The following SUZ12 variants were observed in gnomAD, a reference collection of about 807,000 sequenced individuals.
SUZ12 encodes polycomb protein SUZ12.
SUZ12 carries 17 observed loss-of-function variants against 87.3 expected under a neutral mutation model. The ratio of observed to expected loss-of-function variants is 0.19; its 90% confidence interval spans 0.13 to 0.29. SUZ12 has a LOEUF of 0.29. SUZ12 is among the 10% of genes least tolerant of loss of function. The pLI, the probability that SUZ12 is intolerant of heterozygous loss-of-function variation, is 1.00. For missense variants in SUZ12, 526 were observed against 912.2 expected (o/e 0.58, Z 5.45); for synonymous variants, 253 against 312.4 (o/e 0.81, Z 2.01).
At chr17:31,947,802 C>T in intron 4 of SUZ12, 117 bp downstream of exon 4, 2 of 1,071,418 alleles carry the variant, frequency 1.9e-6, no homozygotes, top group South Asian at 1.8e-5. Context: ...TCTTAGAGGT[C>T]AGTTTGGTCC....
At chr17:31,988,285 G>C in intron 9 of SUZ12, 35 bp from the exon 10 acceptor site, 1 of 1,494,098 alleles carries the variant, frequency 6.7e-7, no homozygotes, top group Non-Finnish European at 8.9e-7. Flanking sequence ...TTCATTATCT[G>C]AGTCTCCAGT....
chr17:31,978,930 AC>A (rs1908914653), intron 8 of SUZ12, among the ~76,000 whole-genome samples: 1 of 151,608 alleles, frequency 6.6e-6, no homozygotes, highest in Admixed American at 6.6e-5. Flanking sequence ...ACATGGTGAA[AC>A]CCCATCTCTA....
intron 4 of SUZ12, among the ~76,000 whole-genome samples, chr17:31,958,495 A>C (rs747403081): frequency 2.0e-5 from 3 of 150,184 alleles, no homozygotes; most frequent in Non-Finnish European, 4.4e-5. Context: ...GGTTCACTTG[A>C]GGTGAAGAGT....
chr17:31,991,904 A>G (rs1005071725), intron 10 of SUZ12, among the ~76,000 whole-genome samples: 1 of 151,972 alleles, frequency 6.6e-6, no homozygotes, highest in African/African-American at 2.4e-5. Context: ...CCAGCCTGAA[A>G]TAATTTTAAT....
intron 4 of SUZ12, among the ~76,000 whole-genome samples, chr17:31,957,870 A>ACCT (rs967648294): frequency 7.4e-5 from 10 of 135,292 alleles, no homozygotes; most frequent in Non-Finnish European, 1.6e-4. Flanking sequence ...GAGCCACTGC[A>ACCT]CCTGGCCCTG....
rs1260034019 is a variant in SUZ12 at position 31,958,336 on chromosome 17, TATTAA to T, written c.456-7806_456-7802del. ...CAGGCGTGAGCCACTGCATCCGACC[TATTAA>T]ATTATTTTTAAGAGAACTATTGTAT... On this transcript the variant is annotated intron_variant, in intron 4 of 15. Coordinates refer to ENST00000322652, the MANE Select transcript of SUZ12 (RefSeq NM_015355.4). Among the ~76,000 whole-genome samples the T allele has an allele frequency of 3.9e-5, 6 of 152,358 alleles. No homozygotes were observed. The East Asian group carries it at 1.2e-3, about 29-fold the overall frequency.
At chr17:31,985,947 G>A (rs1250148015) in intron 9 of SUZ12, among the ~76,000 whole-genome samples, 1 of 150,946 alleles carries the variant, frequency 6.6e-6, no homozygotes, top group Non-Finnish European at 1.5e-5. Flanking sequence ...AGGCATGAGC[G>A]ACCGTGCCCG....
chr17:31,940,748 C>T (rs1371961482), intron 3 of SUZ12, among the ~76,000 whole-genome samples: 1 of 151,096 alleles, frequency 6.6e-6, no homozygotes, highest in Admixed American at 6.6e-5. Flanking sequence ...TGTGGTGGCT[C>T]ATACCTATAA....
At chr17:31,992,739 C>T (rs1330307388) in intron 10 of SUZ12, among the ~76,000 whole-genome samples, 4 of 150,554 alleles carry the variant, frequency 2.7e-5, no homozygotes, top group Non-Finnish European at 5.9e-5. Context: ...CGGAGTTTTG[C>T]TCTTGTCATC....
At chr17:31,975,773 T>A (rs2142178866) in intron 7 of SUZ12, 60 bp downstream of exon 7, 1 of 1,326,762 alleles carries the variant, frequency 7.5e-7, no homozygotes, top group Non-Finnish European at 1.0e-6. Context: ...TGAAAATGAT[T>A]GTACCAGTGT....
chr17:31,959,629 G>A (rs1407793864), intron 4 of SUZ12, among the ~76,000 whole-genome samples: 1 of 152,156 alleles, frequency 6.6e-6, no homozygotes, highest in East Asian at 1.9e-4. Context: ...ATACTGCCAT[G>A]CCCTTAAAAT....
intron 3 of SUZ12, among the ~76,000 whole-genome samples, chr17:31,940,926 C>CT (rs1175445298): frequency 6.6e-6 from 1 of 151,398 alleles, no homozygotes; most frequent in Admixed American, 6.6e-5. Flanking sequence ...AGGAGAATTG[C>CT]TTGAGCCCGG....
At chr17:31,995,504 C>A in intron 13 of SUZ12, 60 bp from the exon 14 acceptor site, 3 of 1,367,340 alleles carry the variant, frequency 2.2e-6, no homozygotes, top group Admixed American at 1.8e-5. Flanking sequence ...AACTCCTAGT[C>A]GTGAGGTTAG....
At chr17:31,954,143 AC>A (rs1907156766) in intron 4 of SUZ12, among the ~76,000 whole-genome samples, 1 of 151,712 alleles carries the variant, frequency 6.6e-6, no homozygotes, top group Admixed American at 6.6e-5. Context: ...GCTCACTGCA[AC>A]CTCCGCCTCC....
intron 1 of SUZ12, among the ~76,000 whole-genome samples, chr17:31,939,926 A>G (rs1347514386): frequency 6.6e-6 from 1 of 152,216 alleles, no homozygotes; most frequent in African/African-American, 2.4e-5. Flanking sequence ...TGCCTATTAC[A>G]GCTGCTTTTT....
Position 31,976,559 on chromosome 17 carries a change from C to T in SUZ12, c.862C>T (p.Arg288Cys), listed in dbSNP as rs199547628. ...GCTTCCAGCCAGAAGAAAACGAAAT[C>T]GTGAGGATGGGGAAAAGACATTTGT... Reference protein sequence around the residue: ...EELPARRKRNREDGEKTFVAQ... With the variant: ...EELPARRKRNCEDGEKTFVAQ... The change falls in exon 8 of 16, where the codon CGT becomes TGT. Residue 288 changes from arginine to cysteine, a missense_variant. Physicochemically the swap from Arg to Cys is radical, Grantham distance 180. Around this residue, in one of 9 missense-constraint regions of SUZ12, gnomAD observed 73 missense variants for 133.8 expected, o/e 0.55. Coordinates refer to ENST00000322652, the MANE Select transcript of SUZ12 (RefSeq NM_015355.4). The T allele has an allele frequency of 1.9e-6, 3 of 1,612,820 alleles. No homozygotes were observed. Among genetic ancestry groups the T allele is most frequent in the Admixed American group, 1.7e-5 (1 of 59,900 alleles).
chr17:31,962,906 A>ATC (rs1907823660), intron 4 of SUZ12, among the ~76,000 whole-genome samples: 1 of 152,250 alleles, frequency 6.6e-6, no homozygotes, highest in Non-Finnish European at 1.5e-5. Context: ...AGAGTAGGAT[A>ATC]GATTTGTTGT....
chr17:31,980,609 T>C (rs891169683), intron 8 of SUZ12, among the ~76,000 whole-genome samples: 7 of 151,946 alleles, frequency 4.6e-5, no homozygotes, highest in African/African-American at 1.2e-4. Flanking sequence ...CCACCATGCC[T>C]GGCTAATTTT....
intron 4 of SUZ12, among the ~76,000 whole-genome samples, chr17:31,959,964 A>G (rs773933304): frequency 7.2e-6 from 1 of 139,038 alleles, no homozygotes; most frequent in South Asian, 2.1e-4. Context: ...TAGATGAACT[A>G]AGTTTCTTAT....
Sources: allele counts gnomAD v4.1 joint callset (sites outside exome capture counted in the v4.1 genomes callset), GRCh38; gene constraint gnomAD v4.1.1; regional missense constraint gnomAD v4.1.1; transcripts MANE v1.5; gene names NCBI Gene and HGNC (gene_info 2026-07-23, HGNC 2026-07-21).